Variants in RIMBP2 observed in about 807,000 individuals in gnomAD.
RIMBP2 encodes RIMS-binding protein 2.
In RIMBP2, 48 loss-of-function variants were observed where a neutral mutation model predicts 118.6. The ratio of observed to expected loss-of-function variants is 0.40; its 90% confidence interval spans 0.32 to 0.51. RIMBP2 has a LOEUF of 0.51. Ranked by LOEUF, RIMBP2 falls within the 20% of genes least tolerant of loss-of-function variation. The probability of loss-of-function intolerance (pLI) is 0.41; values close to 1 mark genes in which losing one functional copy is unlikely to be tolerated. For missense variants in RIMBP2, 1,551 were observed against 1,768.3 expected (o/e 0.88, Z 2.20); for synonymous variants, 762 against 742.9 (o/e 1.03, Z -0.42).
Position 130,670,798 on chromosome 12 carries a change from C to T in RIMBP2, c.-351-42342G>A, listed in dbSNP as rs1334508957. On this transcript the variant is annotated intron_variant, in intron 1 of 22. Transcript: ENST00000690449. The surrounding 1 kb of genome is among the most constrained non-coding windows in gnomAD (Gnocchi z 4.9). ...CATTTATTTATTTATTTATGAGATA[C>T]AGTCCCTCTCTGTTGCCCAGGCTGG... Among the ~76,000 whole-genome samples, 1 of 152,166 alleles carries T rather than the reference C, an allele frequency of 6.6e-6. No individual in the cohort carries two copies. The highest frequency in any genetic ancestry group is 2.4e-5 in the African/African-American group (1 of 41,440).
At position 130,701,392 on chromosome 12, in the gene RIMBP2, C is replaced by CTTGTATTGGAGT. The variant is rs1404679088; in HGVS notation, c.-352+14829_-352+14830insACTCCAATACAA. Among the ~76,000 whole-genome samples the CTTGTATTGGAGT allele has an allele frequency of 5.3e-5, 8 of 152,226 alleles. 1 individual carries two copies. The highest frequency in any genetic ancestry group is 1.9e-4 in the African/African-American group (8 of 41,468). ...GTGGCACTTTCTGCCTTACACTCAG[C>CTTGTATTGGAGT]TTACATCACACGTGGAACTGCTTGT... On this transcript the variant is annotated intron_variant, in intron 1 of 22. Coordinates refer to ENST00000690449, the MANE Select transcript of RIMBP2 (RefSeq NM_001393629.1).
intron 2 of RIMBP2, among the ~76,000 whole-genome samples, chr12:130,614,542 C>T (rs923023681): frequency 5.9e-5 from 9 of 152,002 alleles, no homozygotes; most frequent in African/African-American, 1.2e-4. Flanking sequence ...CTCTTGGAGG[C>T]GTAATTAAAA....
At chr12:130,545,513 G>C (rs1478717190) in intron 2 of RIMBP2, among the ~76,000 whole-genome samples, 1 of 152,164 alleles carries the variant, frequency 6.6e-6, no homozygotes, top group Non-Finnish European at 1.5e-5. Context: ...CATTATTCAA[G>C]TTCATTTCAC....
At chr12:130,659,689 C>T (rs569712996) in intron 1 of RIMBP2, among the ~76,000 whole-genome samples, 1 of 150,066 alleles carries the variant, frequency 6.7e-6, no homozygotes, top group South Asian at 2.1e-4. Context: ...ATTATTAATG[C>T]CGGCCGGGCA....
intron 2 of RIMBP2, among the ~76,000 whole-genome samples, chr12:130,532,575 G>A (rs573699105): frequency 1.3e-4 from 19 of 146,948 alleles, no homozygotes; most frequent in East Asian, 4.2e-4. Context: ...AATGAGATGC[G>A]TATGTTTAGC....
chr12:130,576,595 T>TG lies in RIMBP2; in HGVS notation c.-217+51726dup, dbSNP rs2058098430. On this transcript the variant is annotated intron_variant, in intron 2 of 22. Transcript: ENST00000690449. This position sits in a 1 kb window ranked among gnomAD's most constrained non-coding sequence, Gnocchi z 4.2. ...AGACTATTCAGTCCTCCCAGCCAAG[T>TG]GGCTGGTAAACCCGAGCCTCCCTGG... Among the ~76,000 whole-genome samples, 1 of 152,132 alleles carries TG rather than the reference T, an allele frequency of 6.6e-6. No individual in the cohort carries two copies. The highest frequency in any genetic ancestry group is 6.5e-5 in the Admixed American group (1 of 15,280).
chr12:130,538,802 G>A (rs936531140), intron 2 of RIMBP2, among the ~76,000 whole-genome samples: 3 of 152,090 alleles, frequency 2.0e-5, no homozygotes, highest in African/African-American at 4.8e-5. Flanking sequence ...TGAGAGTCAT[G>A]GGCAGTGACA....
rs1171589120 is a variant in RIMBP2, at chr12:130,681,706, C to CT, written c.-352+34515dup. On this transcript the variant is annotated intron_variant, in intron 1 of 22. Coordinates refer to ENST00000690449, the MANE Select transcript of RIMBP2 (RefSeq NM_001393629.1). ...CACGCGAGTATTTCTCTTTCTTTTTCTTTTTTTGAGATGAGTCTCTCTCTG... is the reference window on the plus strand; with the variant it reads ...CACGCGAGTATTTCTCTTTCTTTTTCTTTTTTTTGAGATGAGTCTCTCTCTG... Among the ~76,000 whole-genome samples the CT allele has an allele frequency of 7.2e-5, 11 of 152,094 alleles. No homozygotes were observed. In the East Asian group the frequency reaches 1.4e-3, roughly 19 times the overall value.
At chr12:130,505,329 C>T (rs1309634099) in intron 4 of RIMBP2, among the ~76,000 whole-genome samples, 2 of 152,074 alleles carry the variant, frequency 1.3e-5, no homozygotes, top group East Asian at 3.9e-4. Context: ...CCATGAAGGT[C>T]ACCATTTTAG....
At chr12:130,500,573 A>G (rs2049657994) in intron 4 of RIMBP2, among the ~76,000 whole-genome samples, 1 of 152,218 alleles carries the variant, frequency 6.6e-6, no homozygotes, top group Non-Finnish European at 1.5e-5. Flanking sequence ...AATGATCACT[A>G]TTAAGACAGG....
At chr12:130,560,212 T>C (rs12578145) in intron 2 of RIMBP2, among the ~76,000 whole-genome samples, 11,428 of 152,254 alleles carry the variant, frequency 0.075, 617 homozygotes, top group East Asian at 0.23. Flanking sequence ...GGTAATGTGG[T>C]AAAAGACTTC....
intron 4 of RIMBP2, among the ~76,000 whole-genome samples, chr12:130,491,870 G>A (rs182864600): frequency 1.3e-5 from 2 of 152,374 alleles, no homozygotes; most frequent in East Asian, 1.9e-4. Context: ...TTAAAGCAGC[G>A]ATATTTATAG....
At chr12:130,482,089 C>T (rs748876897) in intron 4 of RIMBP2, among the ~76,000 whole-genome samples, 11 of 152,100 alleles carry the variant, frequency 7.2e-5, no homozygotes, top group Admixed American at 2.6e-4. Flanking sequence ...GCTCCTGAGA[C>T]GCTTTGGGAA....
intron 4 of RIMBP2, among the ~76,000 whole-genome samples, chr12:130,480,237 C>G (rs55696852): frequency 0.68 from 101,608 of 150,194 alleles, 36,966 homozygotes; most frequent in East Asian, 0.85. Flanking sequence ...ACACACACAC[C>G]TGTGGTAACT....
intron 19 of RIMBP2, among the ~76,000 whole-genome samples, chr12:130,411,339 GT>G (rs2075699073): frequency 6.6e-6 from 1 of 152,082 alleles, no homozygotes; most frequent in African/African-American, 2.4e-5. Context: ...TGTACACCAG[GT>G]GTGACTTCCC....
intron 6 of RIMBP2, among the ~76,000 whole-genome samples, chr12:130,462,646 C>T (rs768551178): frequency 1.5e-4 from 23 of 152,310 alleles, no homozygotes; most frequent in Admixed American, 2.6e-4. Context: ...TGTGTGTGGA[C>T]GCTGACTCGA....
Position 130,623,872 on chromosome 12 carries a change from A to G in RIMBP2, c.-217+4450T>C, listed in dbSNP as rs2061468828. ...CACGGTGTACACCACAGTCTCCCAG[A>G]GGTTCCACAGCAGGATTGAGTCCCC... On this transcript the variant is annotated intron_variant, in intron 2 of 22. Transcript: ENST00000690449. The surrounding 1 kb of genome is among the most constrained non-coding windows in gnomAD (Gnocchi z 4.1). Among the ~76,000 whole-genome samples the G allele has an allele frequency of 6.6e-6, 1 of 152,168 alleles. No homozygotes were observed.
At chr12:130,471,745 C>A (rs775109113) in intron 5 of RIMBP2, 6 of 152,468 alleles carry the variant, frequency 3.9e-5, no homozygotes, top group Admixed American at 6.5e-5. Context: ...GCAGGGCCTG[C>A]CCACCTCCTG....
intron 6 of RIMBP2, among the ~76,000 whole-genome samples, chr12:130,459,212 G>A (rs370216622): frequency 3.8e-4 from 57 of 151,922 alleles, no homozygotes; most frequent in Non-Finnish European, 4.6e-4. Context: ...TGACAGAGCC[G>A]TCTGTACAGC....
Sources: gnomAD v4.1 joint callset for allele counts (sites outside exome capture counted in the v4.1 genomes callset) on GRCh38, gnomAD v4.1.1 for gene constraint, Gnocchi (gnomAD v3.1) non-coding constraint, MANE v1.5 for transcripts, NCBI Gene and HGNC (gene_info 2026-07-23, HGNC 2026-07-21) for gene names.